The following POLN variants were observed in gnomAD, a reference collection of about 807,000 sequenced individuals.
POLN encodes the protein DNA polymerase nu, also known as DNA polymerase N.
POLN carries 108 observed loss-of-function variants against 113.5 expected under a neutral mutation model. The ratio of observed to expected loss-of-function variants is 0.95; its 90% confidence interval spans 0.81 to 1.12. The LOEUF is 1.12. POLN is among the 50% of genes most tolerant of loss of function. POLN has a pLI of 0.00. For missense variants in POLN, 1,097 were observed against 1,077.1 expected, an observed-to-expected ratio of 1.02 and a Z score of -0.26; for synonymous variants, 386 against 391.5, an observed-to-expected ratio of 0.99 and a Z score of 0.17.
intron 3 of POLN, among the ~76,000 whole-genome samples, chr4:2,213,921 T>C (rs537129923): frequency 6.6e-6 from 1 of 152,290 alleles, no homozygotes; most frequent in Admixed American, 6.5e-5. Context: ...TAAAATAATT[T>C]CAAAGTACGA....
intron 19 of POLN, among the ~76,000 whole-genome samples, chr4:2,101,449 G>A (rs1348828613): frequency 9.9e-5 from 15 of 152,186 alleles, no homozygotes; most frequent in African/African-American, 3.4e-4. Flanking sequence ...TGCATGGCCC[G>A]GACGGGCTGG....
intron 5 of POLN, among the ~76,000 whole-genome samples, chr4:2,203,975 G>A (rs1374577104): frequency 1.3e-5 from 2 of 151,784 alleles, no homozygotes; most frequent in Non-Finnish European, 2.9e-5. Flanking sequence ...CAGGTGTGGT[G>A]GCACATGCCT....
At chr4:2,151,946 T>G (rs538065673) in intron 16 of POLN, among the ~76,000 whole-genome samples, 1 of 152,246 alleles carries the variant, frequency 6.6e-6, no homozygotes, top group Non-Finnish European at 1.5e-5. Context: ...AACTTTCTCT[T>G]AGGAGGGGGT....
chr4:2,085,797 T>C, intron 20 of POLN, 53 bp from the exon 21 acceptor site: 1 of 1,606,126 alleles, frequency 6.2e-7, no homozygotes, highest in Non-Finnish European at 8.5e-7. Flanking sequence ...GCCGTGACTG[T>C]GTGCATGGGC....
intron 13 of POLN, among the ~76,000 whole-genome samples, chr4:2,159,839 C>T (rs997781010): frequency 3.9e-5 from 6 of 152,104 alleles, no homozygotes; most frequent in East Asian, 1.9e-4. Context: ...TTTATTTGCA[C>T]GGCTGTGTAG....
In POLN at chr4:2,208,291, T is replaced by C. The variant is rs371955480; in HGVS notation, c.410A>G (p.Lys137Arg). The change falls in exon 5 of 26, where the codon AAG (lysine) becomes AGG (arginine). Residue 137 changes from lysine (K) to arginine (R), a missense_variant. Physicochemically the swap from Lys to Arg is conservative, Grantham distance 26. Coordinates refer to ENST00000511885, the MANE Select transcript of POLN (RefSeq NM_181808.4). ...ATTTATATTCTCCATTAGGAAATGC[T>C]TTCTTTTATGCCCCTTTTTCTGTAG... ...SVLQKKGHKR[K>R]HFLMENINNE... 3.8e-6 allele frequency: 6 copies of C among 1,599,532 alleles called. No homozygotes were observed. The highest frequency in any genetic ancestry group is 5.1e-6 in the Non-Finnish European group (6 of 1,171,254).
chr4:2,218,849 G>A (rs1216874042), intron 3 of POLN, among the ~76,000 whole-genome samples: 1 of 152,184 alleles, frequency 6.6e-6, no homozygotes, highest in Non-Finnish European at 1.5e-5. Context: ...TATTTGTGGT[G>A]TCAATTGTTA....
chr4:2,239,986 C>G lies in POLN; in HGVS notation c.-13+1534G>C, dbSNP rs537694693. The G allele has an allele frequency of 1.6e-5, 22 of 1,388,046 alleles. No individual in the cohort carries two copies. In the Admixed American group the frequency reaches 4.0e-4, roughly 25 times the overall value. 86.0% of individuals were successfully genotyped at this position (1,388,046 alleles called of 1,614,324 possible). On this transcript the variant is annotated intron_variant, in intron 2 of 25. Transcript: ENST00000511885. ...TACTTTAACAGCAATATTATCTCCT[C>G]TATTCCTAACAATAATTACAATGTG...
intron 16 of POLN, among the ~76,000 whole-genome samples, chr4:2,131,521 T>C (rs145719530): frequency 5.3e-4 from 81 of 152,358 alleles, no homozygotes; most frequent in Middle Eastern, 3.4e-3. Context: ...GACTCTAGCC[T>C]GTGTGACCCT....
At chr4:2,132,175 T>C (rs746388212) in intron 16 of POLN, among the ~76,000 whole-genome samples, 22 of 152,192 alleles carry the variant, frequency 1.4e-4, no homozygotes, top group Non-Finnish European at 2.4e-4. Context: ...AAGTTTTCTA[T>C]ACATTAGAAT....
At chr4:2,196,987 C>G (rs1382365934) in intron 6 of POLN, among the ~76,000 whole-genome samples, 2 of 152,068 alleles carry the variant, frequency 1.3e-5, no homozygotes, top group Admixed American at 6.6e-5. Flanking sequence ...ACTGAGAGGC[C>G]GGGAGAGAGG....
intron 6 of POLN, among the ~76,000 whole-genome samples, chr4:2,197,316 C>T (rs1294992109): frequency 6.6e-6 from 1 of 152,168 alleles, no homozygotes; most frequent in South Asian, 2.1e-4. Context: ...GTAACAGCAA[C>T]GCAGTGGATA....
At chr4:2,148,473 C>A (rs1201232831) in intron 16 of POLN, among the ~76,000 whole-genome samples, 1 of 152,094 alleles carries the variant, frequency 6.6e-6, no homozygotes, top group Non-Finnish European at 1.5e-5. Flanking sequence ...TTGAGACCAG[C>A]CTGACCAACA....
chr4:2,231,597 CA>C (rs532732466), intron 2 of POLN: 166 of 172,564 alleles, frequency 9.6e-4, no homozygotes, highest in South Asian at 1.5e-3. Flanking sequence ...GACTCTATCT[CA>C]AAAAAAAATT....
chr4:2,088,227 T>C (rs1730592719), intron 20 of POLN, among the ~76,000 whole-genome samples: 1 of 152,210 alleles, frequency 6.6e-6, no homozygotes, highest in African/African-American at 2.4e-5. Flanking sequence ...AATTTTAGTA[T>C]TTATCTACAG....
chr4:2,179,742 T>G (rs1733087601), intron 7 of POLN, among the ~76,000 whole-genome samples: 1 of 152,170 alleles, frequency 6.6e-6, no homozygotes, highest in Non-Finnish European at 1.5e-5. Flanking sequence ...CAAGCTCACT[T>G]GCAATTTGGA....
intron 19 of POLN, among the ~76,000 whole-genome samples, chr4:2,111,990 A>G (rs1241029478): frequency 6.6e-6 from 1 of 152,234 alleles, no homozygotes; most frequent in Non-Finnish European, 1.5e-5. Context: ...AAACTATATT[A>G]CAAGGCTACA....
intron 19 of POLN, among the ~76,000 whole-genome samples, chr4:2,104,437 C>G (rs1482570334): frequency 2.0e-5 from 3 of 152,196 alleles, no homozygotes; most frequent in African/African-American, 7.2e-5. Context: ...TATGGTAACT[C>G]TGTATTTAAC....
At chr4:2,085,053 T>A (rs1164028579) in intron 21 of POLN, among the ~76,000 whole-genome samples, 1 of 152,266 alleles carries the variant, frequency 6.6e-6, no homozygotes, top group African/African-American at 2.4e-5. Context: ...TCTGATGAGA[T>A]ACTTTTACTG....
Sources: allele counts gnomAD v4.1 joint callset (sites outside exome capture counted in the v4.1 genomes callset), GRCh38; gene constraint gnomAD v4.1.1; transcripts MANE v1.5; gene names NCBI Gene and HGNC (gene_info 2026-07-23, HGNC 2026-07-21).